The following SLURP2 variants were observed in gnomAD, a reference collection of about 807,000 sequenced individuals.
SLURP2 encodes the protein secreted Ly-6/uPAR domain-containing protein 2.
In SLURP2, 4 loss-of-function variants were observed where a neutral mutation model predicts 9.8. The observed-to-expected ratio is 0.41, with a 90% CI of 0.20 to 0.94. The LOEUF is 0.94. Ranked by LOEUF, SLURP2 falls within the 40% of genes least tolerant of loss-of-function variation. The pLI, the probability that SLURP2 is intolerant of heterozygous loss-of-function variation, is 0.32. For missense variants in SLURP2, 118 were observed against 126.4 expected (o/e 0.93, Z 0.32); for synonymous variants, 58 against 56.2 (o/e 1.03, Z -0.15).
In SLURP2 at chr8:142,768,716, G is replaced by A. The variant is rs755321579; in HGVS notation, c.52+1039C>T. 1.2e-4 allele frequency among the ~76,000 whole-genome samples: 19 copies of A among 152,236 alleles called. No individual in the cohort carries two copies. Among genetic ancestry groups the A allele is most frequent in the African/African-American group, 3.1e-4 (13 of 41,528 alleles). On this transcript the variant is annotated intron_variant, in intron 1 of 2. Coordinates refer to ENST00000317543, the MANE Select transcript of SLURP2 (RefSeq NM_177458.3). The surrounding 1 kb of genome is among the most constrained non-coding windows in gnomAD (Gnocchi z 4.8). ...GAGTCCCCAGGCCCCTGTGTGTCTC[G>A]GACCTTCAGCACAGAGCTGGTCTGC...
chr8:142,765,149 A>G lies in SLURP2; in HGVS notation c.53-9T>C, dbSNP rs1159758109. 3 of 1,602,924 alleles carry G rather than the reference A, an allele frequency of 1.9e-6. No individual in the cohort carries two copies. The highest frequency in any genetic ancestry group is 1.1e-5 in the South Asian group (1 of 89,330). ...TATGGCTTCGGCTGCAGCTGCGGAC[A>G]TGGGGACAGACAGGACACAAACGGA... On this transcript the variant is annotated splice_polypyrimidine_tract_variant and intron_variant, in intron 1 of 2. Transcript: ENST00000317543.
Position 142,764,483 on chromosome 8 carries a change from T to C in SLURP2, c.*122A>G. 9.8e-7 allele frequency: 1 copy of C among 1,016,132 alleles called. No individual in the cohort carries two copies. Among genetic ancestry groups the C allele is most frequent in the South Asian group, 1.4e-5 (1 of 72,282 alleles). The allele number at this position is 1,016,132 out of a possible 1,614,324, so 62.9% of individuals were successfully genotyped here. On this transcript the variant is annotated 3_prime_UTR_variant, in exon 3 of 3. Coordinates refer to ENST00000317543, the MANE Select transcript of SLURP2 (RefSeq NM_177458.3). ...CCCTAGGACAAGCGGTGCTGGACGGTGGCTGCAGAGGCCGGGAGAGGTGGG... is the reference window on the plus strand; with the variant it reads ...CCCTAGGACAAGCGGTGCTGGACGGCGGCTGCAGAGGCCGGGAGAGGTGGG...
At chr8:142,767,105 T>C (rs769269911) in intron 1 of SLURP2, among the ~76,000 whole-genome samples, 16 of 152,228 alleles carry the variant, frequency 1.1e-4, no homozygotes, top group Non-Finnish European at 1.3e-4. Context: ...CAGACCTCAG[T>C]GCACACCAGG....
rs370262783 is a variant in SLURP2, at chr8:142,769,773, C to T, written c.34G>A (p.Val12Ile). 142 of 1,602,660 alleles carry T rather than the reference C, an allele frequency of 8.9e-5. 1 individual carries two copies. Among genetic ancestry groups the T allele is most frequent in the South Asian group, 1.8e-4 (16 of 88,968 alleles). Reference sequence around the variant, plus strand: ...GACTCACCCAGCTGCAGGCTCAGGACGGCGGCCAGCAGGAGCCCAGTGCCG... The same window carrying T: ...GACTCACCCAGCTGCAGGCTCAGGATGGCGGCCAGCAGGAGCCCAGTGCCG... ...QLGTGLLLAA[V>I]LSLQLAAAEA... The change falls in exon 1 of 3, where the codon GTC (valine) becomes ATC (isoleucine). Residue 12 changes from valine (V) to isoleucine (I), a missense_variant. Coordinates refer to ENST00000317543, the MANE Select transcript of SLURP2 (RefSeq NM_177458.3).
At chr8:142,765,473 G>GTT (rs113049642) in intron 1 of SLURP2, among the ~76,000 whole-genome samples, 45,547 of 148,278 alleles carry the variant, frequency 0.31, 7,097 homozygotes, top group Non-Finnish European at 0.34. Context: ...CAGGGTGGGG[G>GTT]GTGGGGAGGA....
intron 1 of SLURP2, 69 bp from the exon 2 acceptor site, chr8:142,765,209 G>A (rs377382341): frequency 1.9e-5 from 23 of 1,213,908 alleles, no homozygotes; most frequent in East Asian, 5.1e-5. Context: ...CTGCAGTGAC[G>A]GCACGCACTC....
chr8:142,764,556 G>C lies in SLURP2; in HGVS notation c.*49C>G, dbSNP rs376956403. ...CAGCTGTGAGCCCTGGCGCCAGGCT[G>C]TGGGGGCTGTGGGGGCTGAGCGTCC... On this transcript the variant is annotated 3_prime_UTR_variant, in exon 3 of 3. Transcript: ENST00000317543. 1.6e-5 allele frequency: 26 copies of C among 1,582,622 alleles called. No homozygotes were observed. The highest frequency in any genetic ancestry group is 2.1e-5 in the Non-Finnish European group (25 of 1,165,378).
rs1387731969 is a variant in SLURP2 at position 142,768,024 on chromosome 8, G to A, written c.52+1731C>T. On this transcript the variant is annotated intron_variant, in intron 1 of 2. Coordinates refer to ENST00000317543, the MANE Select transcript of SLURP2 (RefSeq NM_177458.3). The surrounding 1 kb of genome is among the most constrained non-coding windows in gnomAD (Gnocchi z 4.8). The stretch of plus-strand genomic sequence containing the variant: ...TTTTGATTTTCAGCAATGAGATCCT[G>A]AGGGAAGCAGATAAAATGTTAGCTC... Among the ~76,000 whole-genome samples, 1 of 151,934 alleles carries A rather than the reference G, an allele frequency of 6.6e-6. No homozygotes were observed.
rs773479264 is a variant in SLURP2 at position 142,769,812 on chromosome 8, C to A, written c.-6G>T. ...AGCCCAGTGCCGAGCTGCATGTTCT[C>A]CTGGTGAGGTCGGGCTGTCGGCGCC... On this transcript the variant is annotated 5_prime_UTR_variant, in exon 1 of 3. Transcript: ENST00000317543. 6.3e-7 allele frequency: 1 copy of A among 1,592,904 alleles called. No individual in the cohort carries two copies.
intron 1 of SLURP2, among the ~76,000 whole-genome samples, chr8:142,766,799 C>A (rs1188933444): frequency 1.3e-5 from 2 of 152,246 alleles, no homozygotes; most frequent in South Asian, 2.1e-4. Context: ...CCCAGGCCTG[C>A]TCTCTCTGCA....
rs1815064979 is a variant in SLURP2, at chr8:142,768,275, G to A, written c.52+1480C>T. ...ATAATGGAGGGACAAACAGGATGGT[G>A]GGATGGGCTCTGGGTGTAGCTGCAT... On this transcript the variant is annotated intron_variant, in intron 1 of 2. Transcript: ENST00000317543. This position sits in a 1 kb window ranked among gnomAD's most constrained non-coding sequence, Gnocchi z 4.8. Among the ~76,000 whole-genome samples the A allele has an allele frequency of 6.6e-6, 1 of 151,900 alleles. No homozygotes were observed. Among genetic ancestry groups the A allele is most frequent in the East Asian group, 1.9e-4 (1 of 5,132 alleles).
At chr8:142,765,775 A>G (rs919296789) in intron 1 of SLURP2, among the ~76,000 whole-genome samples, 6 of 152,186 alleles carry the variant, frequency 3.9e-5, no homozygotes, top group Non-Finnish European at 7.3e-5. Context: ...AGCCTGGCCA[A>G]TATGGTGAAA....
At chr8:142,765,932 G>A (rs953439416) in intron 1 of SLURP2, among the ~76,000 whole-genome samples, 10 of 150,024 alleles carry the variant, frequency 6.7e-5, no homozygotes, top group Non-Finnish European at 1.5e-5. Context: ...CACTGCACTC[G>A]AGCCTGGGCG....
At chr8:142,767,983 TC>T (rs1470462728) in intron 1 of SLURP2, among the ~76,000 whole-genome samples, 1 of 151,954 alleles carries the variant, frequency 6.6e-6, no homozygotes, top group African/African-American at 2.4e-5. Context: ...AATAATTCTG[TC>T]CCTTATCAGA....
rs963805093 is a variant in SLURP2, at chr8:142,768,958, G to A, written c.52+797C>T. On this transcript the variant is annotated intron_variant, in intron 1 of 2. Coordinates refer to ENST00000317543, the MANE Select transcript of SLURP2 (RefSeq NM_177458.3). The surrounding 1 kb of genome is among the most constrained non-coding windows in gnomAD (Gnocchi z 4.8). The stretch of plus-strand genomic sequence containing the variant: ...AGGGACGCAGAGGCTTGGCCCCTGG[G>A]GGGCTGGGCTGCTTGGGCTTGGAGG... 6.6e-6 allele frequency among the ~76,000 whole-genome samples: 1 copy of A among 152,166 alleles called. No individual in the cohort carries two copies. Among genetic ancestry groups the A allele is most frequent in the Non-Finnish European group, 1.5e-5 (1 of 68,008 alleles).
Position 142,764,449 on chromosome 8 carries a change from G to T in SLURP2, c.*156C>A, listed in dbSNP as rs770651887. ...GCAGCAGATTGAGGCAAGACTCCAC[G>T]CAGGACTTCCCTAGGACAAGCGGTG... is the stretch of plus-strand genomic sequence containing the variant. On this transcript the variant is annotated 3_prime_UTR_variant, in exon 3 of 3. Coordinates refer to ENST00000317543, the MANE Select transcript of SLURP2 (RefSeq NM_177458.3). The T allele has an allele frequency of 9.7e-6, 8 of 827,234 alleles. No individual in the cohort carries two copies. Among genetic ancestry groups the T allele is most frequent in the Non-Finnish European group, 1.6e-5 (8 of 501,484 alleles). The allele number at this position is 827,234 out of a possible 1,614,324, so 51.2% of individuals were successfully genotyped here.
intron 1 of SLURP2, chr8:142,766,105 GGCTAGTGA>G (rs1489883463): frequency 2.0e-5 from 3 of 152,168 alleles, no homozygotes; most frequent in African/African-American, 7.2e-5. Context: ...GTTCCTCTGT[GGCTAGTGA>G]GCCTTCTCTC....
rs1319925099 is a variant in SLURP2, at chr8:142,765,112, C to T, written c.81G>A (p.Gln27=). The change falls in exon 2 of 3, where the codon CAG becomes CAA. Residue 27 remains glutamine, a synonymous_variant. Coordinates refer to ENST00000317543, the MANE Select transcript of SLURP2 (RefSeq NM_177458.3). ...GGGAGCACCCTCCGAAGCCCGTGCA[C>T]TGGTGACACCATATGGCTTCGGCTG... The part of the protein sequence containing the change: ...LAAAEAIWCH[Q]CTGFGGCSHG... The T allele has an allele frequency of 1.9e-6, 3 of 1,612,178 alleles. No individual in the cohort carries two copies. The highest frequency in any genetic ancestry group is 2.5e-6 in the Non-Finnish European group (3 of 1,179,528).
intron 1 of SLURP2, among the ~76,000 whole-genome samples, chr8:142,769,280 C>A (rs1311448388): frequency 6.6e-6 from 1 of 151,606 alleles, no homozygotes; most frequent in Non-Finnish European, 1.5e-5. Context: ...AGGAGAGGAC[C>A]CGGGAGCAGG....
Sources: allele counts gnomAD v4.1 joint callset (sites outside exome capture counted in the v4.1 genomes callset), GRCh38; gene constraint gnomAD v4.1.1; non-coding constraint Gnocchi (gnomAD v3.1); transcripts MANE v1.5; gene names NCBI Gene and HGNC (gene_info 2026-07-23, HGNC 2026-07-21).